AK6: variants seen among roughly 807,000 people sequenced by gnomAD.
AK6 encodes the protein adenylate kinase 6.
In AK6, 24 loss-of-function variants were observed where a neutral mutation model predicts 23.7. The observed-to-expected ratio is 1.01, with a 90% CI of 0.73 to 1.43. The LOEUF (loss-of-function observed/expected upper bound fraction) is 1.43. AK6 is among the 40% of genes most tolerant of loss of function. The pLI is 0.00. For synonymous variants in AK6, 73 were observed against 69.8 expected (o/e 1.05, Z -0.23); for missense variants, 191 against 199.1 (o/e 0.96, Z 0.24).
In AK6 at chr5:69,364,215, A is replaced by AT. The variant is rs1468080107; in HGVS notation, c.121+2287_121+2288insA. Among the ~76,000 whole-genome samples, 9 of 151,084 alleles carry AT rather than the reference A, an allele frequency of 6.0e-5. No individual in the cohort carries two copies. The East Asian group carries it at 7.7e-4, about 13-fold the overall frequency. ...ACAAAAAAATATTTTAAATTAAAAAAAATATATATATATATAAACACTATA... is the reference window on the plus strand; with the variant it reads ...ACAAAAAAATATTTTAAATTAAAAAATAATATATATATATATAAACACTATA... On this transcript the variant is annotated intron_variant, in intron 2 of 4. Transcript: ENST00000380822.
intron 4 of AK6, 45 bp from the exon 5 acceptor site, chr5:69,352,298 C>A (rs1761968156): frequency 6.7e-7 from 1 of 1,483,522 alleles, no homozygotes; most frequent in African/African-American, 1.4e-5. Context: ...AAATAAATGG[C>A]ATTAACTGGA....
rs1762433715 is a variant in AK6 at position 69,366,544 on chromosome 5, G to C, written c.80C>G (p.Ser27Ter). ...ACCCACATTAATGTATTTCAGTCCT[G>C]ATTTTGACGCAAGTTCTTTGCCTAG... The part of the protein sequence containing the change: ...TTLGKELASK[S>*]GLKYINVGDL... The change falls in exon 2 of 5, where the codon TCA becomes TGA. Residue 27 changes from serine to a stop codon, truncating the protein, a stop_gained. Coordinates refer to ENST00000380822, the MANE Select transcript of AK6 (RefSeq NM_016283.5). LOFTEE classifies it high-confidence loss of function. The C allele has an allele frequency of 1.2e-6, 2 of 1,613,804 alleles. No homozygotes were observed. Among genetic ancestry groups the C allele is most frequent in the African/African-American group, 2.7e-5 (2 of 74,854 alleles).
intron 2 of AK6, among the ~76,000 whole-genome samples, chr5:69,363,160 C>T (rs1580314858): frequency 1.3e-5 from 2 of 150,884 alleles, no homozygotes; most frequent in South Asian, 4.2e-4. Context: ...CCCAGGAGTT[C>T]AAGGATGCAA....
intron 2 of AK6, among the ~76,000 whole-genome samples, chr5:69,356,841 A>G (rs1762096404): frequency 6.6e-6 from 1 of 152,192 alleles, no homozygotes; most frequent in Non-Finnish European, 1.5e-5. Context: ...CTCATTTCAG[A>G]AGGCAAAACA....
intron 2 of AK6, chr5:69,365,080 C>G: frequency 6.2e-7 from 1 of 1,614,030 alleles, no homozygotes; most frequent in Non-Finnish European, 8.5e-7. Context: ...TTTTTGGACC[C>G]GATTAATGAT....
At chr5:69,356,322 A>C (rs1156482460) in intron 2 of AK6, among the ~76,000 whole-genome samples, 1 of 152,180 alleles carries the variant, frequency 6.6e-6, no homozygotes, top group Non-Finnish European at 1.5e-5. Context: ...AACAGATACA[A>C]ACACACTCAC....
intron 4 of AK6, 136 bp downstream of exon 4, chr5:69,355,513 A>C: frequency 1.1e-6 from 1 of 922,416 alleles, no homozygotes; most frequent in African/African-American, 1.7e-5. Flanking sequence ...CCTGGGTGAC[A>C]GCGAGACTCT....
chr5:69,355,992 A>T (rs1561213985), intron 2 of AK6, 39 bp from the exon 3 acceptor site: 4 of 1,505,650 alleles, frequency 2.7e-6, no homozygotes, highest in Non-Finnish European at 2.7e-6. Flanking sequence ...AATATTTTCT[A>T]AGTAACTTTA....
At chr5:69,362,097 C>T (rs1762256388) in intron 2 of AK6, among the ~76,000 whole-genome samples, 1 of 124,544 alleles carries the variant, frequency 8.0e-6, no homozygotes, top group Admixed American at 8.5e-5. Context: ...ATAGGGTTTT[C>T]TTAAAAGCTT....
intron 2 of AK6, among the ~76,000 whole-genome samples, chr5:69,356,247 G>C (rs145480426): frequency 6.6e-6 from 1 of 152,214 alleles, no homozygotes; most frequent in African/African-American, 2.4e-5. Flanking sequence ...GAATTTGTGG[G>C]GCTACTAGAA....
chr5:69,359,001 G>C (rs994100860), intron 2 of AK6, among the ~76,000 whole-genome samples: 1 of 151,740 alleles, frequency 6.6e-6, no homozygotes, highest in Non-Finnish European at 1.5e-5. Context: ...AGCACTTTCA[G>C]AGGCCGAGGT....
Position 69,361,814 on chromosome 5 carries a change from C to T in AK6, c.121+4689G>A, listed in dbSNP as rs140403292. Among the ~76,000 whole-genome samples the T allele has an allele frequency of 4.3e-3, 649 of 151,988 alleles. 3 individuals are homozygous for T. Among genetic ancestry groups the T allele is most frequent in the African/African-American group, 0.015 (627 of 41,458 alleles). On this transcript the variant is annotated intron_variant, in intron 2 of 4. Coordinates refer to ENST00000380822, the MANE Select transcript of AK6 (RefSeq NM_016283.5). ...AGAGATGGGGTTTCACCATGTTGGACAGGCTGGTCTTGAACTCCTGACCTT... is the reference window on the plus strand; with the variant it reads ...AGAGATGGGGTTTCACCATGTTGGATAGGCTGGTCTTGAACTCCTGACCTT...
At chr5:69,366,700 C>T (rs1762441965) in intron 1 of AK6, 105 bp from the exon 2 acceptor site, 1 of 801,926 alleles carries the variant, frequency 1.2e-6, no homozygotes, top group Non-Finnish European at 2.1e-6. Flanking sequence ...TCTCACCTGG[C>T]CTCTGCCCTT....
chr5:69,366,276 C>T (rs1394771274), intron 2 of AK6, among the ~76,000 whole-genome samples: 1 of 152,196 alleles, frequency 6.6e-6, no homozygotes, highest in Non-Finnish European at 1.5e-5. Flanking sequence ...GCCTTCCCAA[C>T]TATTCACAAG....
chr5:69,358,799 G>A (rs1340010138), intron 2 of AK6, among the ~76,000 whole-genome samples: 2 of 152,024 alleles, frequency 1.3e-5, no homozygotes, highest in Non-Finnish European at 2.9e-5. Context: ...CTATACATAG[G>A]ATCTTAAGCA....
intron 1 of AK6, among the ~76,000 whole-genome samples, chr5:69,368,532 GC>G (rs1279909718): frequency 3.3e-5 from 5 of 152,076 alleles, no homozygotes; most frequent in Non-Finnish European, 7.4e-5. Context: ...AAAATCTTCC[GC>G]TTAAGGAATC....
upstream of AK6, chr5:69,369,723 G>C (rs751599805): frequency 3.9e-5 from 60 of 1,549,968 alleles, no homozygotes; most frequent in East Asian, 1.5e-3. Flanking sequence ...CGGTACTTCG[G>C]GTCAGGCAGT....
intron 2 of AK6, among the ~76,000 whole-genome samples, chr5:69,356,809 T>C (rs1433704975): frequency 1.3e-5 from 2 of 152,218 alleles, no homozygotes; most frequent in Non-Finnish European, 2.9e-5. Context: ...CAAACTGCCG[T>C]TCCTCATAAG....
At chr5:69,364,945 A>T in intron 2 of AK6, 1 of 1,607,166 alleles carries the variant, frequency 6.2e-7, no homozygotes, top group Non-Finnish European at 8.5e-7. Flanking sequence ...AGGCTAGATT[A>T]CAGATTATCA....
Sources: allele counts gnomAD v4.1 joint callset (sites outside exome capture counted in the v4.1 genomes callset), GRCh38; gene constraint gnomAD v4.1.1; transcripts MANE v1.5; gene names NCBI Gene and HGNC (gene_info 2026-07-23, HGNC 2026-07-21).